CTNNA3: variants seen among roughly 807,000 people sequenced by gnomAD.
CTNNA3 encodes the protein catenin alpha-3.
A neutral mutation model predicts 95.7 loss-of-function variants in CTNNA3; 76 were observed. The ratio of observed to expected loss-of-function variants is 0.79; its 90% CI spans 0.66 to 0.96. The LOEUF is 0.96. Ranked by LOEUF, CTNNA3 falls within the 40% of genes least tolerant of loss-of-function variation. The probability of loss-of-function intolerance (pLI) is 0.00; values close to 1 mark genes in which losing one functional copy is unlikely to be tolerated. For missense variants in CTNNA3, 1,191 were observed against 1,089.8 expected (o/e 1.09, Z -1.31); for synonymous variants, 431 against 374.4 (o/e 1.15, Z -1.74).
At chr10:66,574,384 T>C (rs1046187347) in intron 10 of CTNNA3, among the ~76,000 whole-genome samples, 6 of 151,866 alleles carry the variant, frequency 4.0e-5, no homozygotes. Context: ...CATGTTTTTG[T>C]AAAGAAATAA....
intron 1 of CTNNA3, among the ~76,000 whole-genome samples, chr10:67,754,376 G>T (rs753487029): frequency 3.3e-5 from 5 of 152,038 alleles, no homozygotes; most frequent in Non-Finnish European, 5.9e-5. Context: ...TAGGTGATGG[G>T]TTGATAGGTA....
In CTNNA3 at chr10:66,357,044, G is replaced by C. The variant is rs145820885; in HGVS notation, c.1732+22108C>G. On this transcript the variant is annotated intron_variant, in intron 12 of 17. Coordinates refer to ENST00000433211, the MANE Select transcript of CTNNA3 (RefSeq NM_013266.4). ...CAGGTTTTTGCATCTACGTTCATGA[G>C]AGATACTGGTCTGTAGTTTTGTTTT... Among the ~76,000 whole-genome samples, 848 of 152,184 alleles carry C rather than the reference G, an allele frequency of 5.6e-3. 7 individuals carry two copies. Among genetic ancestry groups the C allele is most frequent in the African/African-American group, 0.019 (793 of 41,550 alleles).
chr10:67,554,850 G>A (rs576967111), intron 3 of CTNNA3, among the ~76,000 whole-genome samples: 52 of 152,182 alleles, frequency 3.4e-4, no homozygotes, highest in African/African-American at 1.0e-3. Context: ...CCTGAATGGT[G>A]TTGCCTAGGT....
chr10:66,381,424 T>TTTTAAAATA (rs2092837672), intron 11 of CTNNA3, among the ~76,000 whole-genome samples: 2 of 152,212 alleles, frequency 1.3e-5, no homozygotes, highest in African/African-American at 4.8e-5. Context: ...TTTTAATTAT[T>TTTTAAAATA]TACTTTTAAA....
At chr10:67,622,636 T>C (rs920666923) in intron 2 of CTNNA3, among the ~76,000 whole-genome samples, 1 of 152,204 alleles carries the variant, frequency 6.6e-6, no homozygotes, top group Non-Finnish European at 1.5e-5. Flanking sequence ...ACTGGACTTG[T>C]ACTATTTTAA....
chr10:66,526,999 G>A (rs1316771709), intron 10 of CTNNA3, among the ~76,000 whole-genome samples: 3 of 151,928 alleles, frequency 2.0e-5, no homozygotes, highest in Admixed American at 2.0e-4. Flanking sequence ...TATGCACATT[G>A]CCAAATCTGA....
At chr10:66,455,194 T>C (rs12777558) in intron 11 of CTNNA3, among the ~76,000 whole-genome samples, 41,339 of 151,920 alleles carry the variant, frequency 0.27, 5,774 homozygotes, top group South Asian at 0.39. Flanking sequence ...TCTCTTAAGA[T>C]TGGGAACAAG....
chr10:66,027,445 C>T (rs2079364195), intron 15 of CTNNA3, among the ~76,000 whole-genome samples: 1 of 152,094 alleles, frequency 6.6e-6, no homozygotes, highest in Non-Finnish European at 1.5e-5. Flanking sequence ...TCTCCCTGTG[C>T]TCACCCTATG....
At chr10:66,723,674 T>C (rs747106709) in intron 9 of CTNNA3, among the ~76,000 whole-genome samples, 17 of 152,190 alleles carry the variant, frequency 1.1e-4, no homozygotes, top group Non-Finnish European at 2.4e-4. Context: ...GTTAATAGCC[T>C]GTGTTGTCTC....
At chr10:66,031,389 A>G (rs1489056666) in intron 15 of CTNNA3, among the ~76,000 whole-genome samples, 1 of 152,202 alleles carries the variant, frequency 6.6e-6, no homozygotes. Context: ...AAAAGAATGA[A>G]ATCATATCTT....
chr10:66,067,615 T>G lies in CTNNA3; in HGVS notation c.2159+1693A>C, dbSNP rs141463822. Among the ~76,000 whole-genome samples the G allele has an allele frequency of 5.3e-5, 8 of 152,216 alleles. No homozygotes were observed. In the East Asian group the frequency reaches 1.5e-3, roughly 29 times the overall value. On this transcript the variant is annotated intron_variant, in intron 15 of 17. Coordinates refer to ENST00000433211, the MANE Select transcript of CTNNA3 (RefSeq NM_013266.4). ...CAGTAAACTTTCAGAGGCCAAGGGTTTCCTTTATTCAAAAAAGTTTGGCCA... is the reference window on the plus strand; with the variant it reads ...CAGTAAACTTTCAGAGGCCAAGGGTGTCCTTTATTCAAAAAAGTTTGGCCA...
At chr10:66,396,079 C>T (rs1349166222) in intron 11 of CTNNA3, among the ~76,000 whole-genome samples, 1 of 151,924 alleles carries the variant, frequency 6.6e-6, no homozygotes, top group Non-Finnish European at 1.5e-5. Context: ...GATTAATGCC[C>T]TCCAGCAACA....
chr10:67,306,944 T>G (rs1412207203), intron 5 of CTNNA3, among the ~76,000 whole-genome samples: 1 of 152,080 alleles, frequency 6.6e-6, no homozygotes, highest in Non-Finnish European at 1.5e-5. Flanking sequence ...AAAGTAAACA[T>G]TTTGCACACA....
At chr10:67,570,087 C>A (rs1435360232) in intron 3 of CTNNA3, among the ~76,000 whole-genome samples, 1 of 151,960 alleles carries the variant, frequency 6.6e-6, no homozygotes, top group African/African-American at 2.4e-5. Context: ...ACCTGTTCTG[C>A]TTGGTGTATT....
At chr10:66,878,756 C>G (rs1844728404) in intron 7 of CTNNA3, among the ~76,000 whole-genome samples, 2 of 152,168 alleles carry the variant, frequency 1.3e-5, no homozygotes, top group East Asian at 1.9e-4. Context: ...GTAGAGGTGG[C>G]TTTTTCATAC....
At chr10:66,192,501 T>G (rs115303495) in intron 13 of CTNNA3, among the ~76,000 whole-genome samples, 1 of 152,156 alleles carries the variant, frequency 6.6e-6, no homozygotes, top group Non-Finnish European at 1.5e-5. Flanking sequence ...TTCATAATGG[T>G]CTCAGAAGTT....
intron 3 of CTNNA3, among the ~76,000 whole-genome samples, chr10:67,606,620 C>T (rs1482554227): frequency 1.3e-5 from 2 of 151,920 alleles, no homozygotes; most frequent in East Asian, 3.9e-4. Flanking sequence ...TATGGCAAGG[C>T]AGGGGAGGAA....
chr10:67,451,913 C>A (rs944257765), intron 5 of CTNNA3, among the ~76,000 whole-genome samples: 2 of 152,072 alleles, frequency 1.3e-5, no homozygotes, highest in Non-Finnish European at 2.9e-5. Flanking sequence ...TATACACTAT[C>A]CAAACAGGTT....
intron 11 of CTNNA3, among the ~76,000 whole-genome samples, chr10:66,510,927 T>C (rs1340660366): frequency 6.6e-6 from 1 of 151,820 alleles, no homozygotes; most frequent in African/African-American, 2.4e-5. Flanking sequence ...GAAGAATTTC[T>C]TAATCCTCAA....
Sources: gnomAD v4.1 joint callset for allele counts (sites outside exome capture counted in the v4.1 genomes callset) on GRCh38, gnomAD v4.1.1 for gene constraint, MANE v1.5 for transcripts, NCBI Gene and HGNC (gene_info 2026-07-23, HGNC 2026-07-21) for gene names.